Variants in ZNF157 observed in about 807,000 individuals in gnomAD.
ZNF157 encodes the protein zinc finger protein 22.
Under a neutral mutation model 9.4 loss-of-function variants are expected in ZNF157, and 8 were observed. The ratio of observed to expected loss-of-function variants is 0.85; its 90% CI spans 0.50 to 1.53. ZNF157 has a LOEUF of 1.53. Ranked by LOEUF, ZNF157 falls within the 40% of genes most tolerant of loss-of-function variation. The probability of loss-of-function intolerance (pLI) is 0.00; values close to 1 mark genes in which losing one functional copy is unlikely to be tolerated. For missense variants in ZNF157, 316 were observed against 385.2 expected, an observed-to-expected ratio of 0.82 and a Z score of 1.50; for synonymous variants, 120 against 130.8, an observed-to-expected ratio of 0.92 and a Z score of 0.56.
chrX:47,370,597 C>G lies in ZNF157; in HGVS notation c.-72C>G. 2.0e-6 allele frequency: 2 copies of G among 976,684 alleles called. No homozygotes were observed. Among genetic ancestry groups the G allele is most frequent in the Non-Finnish European group, 2.8e-6 (2 of 715,328 alleles). 80.5% of individuals were successfully genotyped at this position (976,684 alleles called of 1,213,427 possible). On this transcript the variant is annotated 5_prime_UTR_variant, in exon 1 of 4. Transcript: ENST00000377073. ...TGGAGCCATTGAGCCTTACCCCTTACTGGAGGCTGCAGGACCCTCTACACA... is the reference window on the plus strand; with the variant it reads ...TGGAGCCATTGAGCCTTACCCCTTAGTGGAGGCTGCAGGACCCTCTACACA...
intron 1 of ZNF157, chrX:47,391,406 G>A (rs987400670): frequency 1.8e-5 from 2 of 111,928 alleles, no homozygotes; most frequent in African/African-American, 3.2e-5. Flanking sequence ...ATTTTGGAAC[G>A]TTTGAGTTAT....
At chrX:47,394,087 G>A (rs1157093919) in intron 1 of ZNF157, among the ~76,000 whole-genome samples, 2 of 108,073 alleles carry the variant, frequency 1.9e-5, no homozygotes, top group African/African-American at 3.4e-5. Context: ...TCAGCCTCCC[G>A]AGTAGCTGGG....
chrX:47,412,490 C>T lies in ZNF157; in HGVS notation c.417C>T (p.Cys139=). Residue 139 remains cysteine, a synonymous_variant, in exon 4 of 4, where the codon TGC becomes TGT. Transcript: ENST00000377073. ...TLDQNVEYNG[C]RKAFHEKTGF... ...ATCAAAATGTTGAATATAATGGATGCAGGAAAGCCTTCCATGAGAAAACAG... is the reference window on the plus strand; with the variant it reads ...ATCAAAATGTTGAATATAATGGATGTAGGAAAGCCTTCCATGAGAAAACAG... 8.3e-7 allele frequency: 1 copy of T among 1,211,302 alleles called. No homozygotes were observed. Among genetic ancestry groups the T allele is most frequent in the Non-Finnish European group, 1.1e-6 (1 of 895,057 alleles).
At chrX:47,384,853 G>T in intron 1 of ZNF157, among the ~76,000 whole-genome samples, 1 of 112,370 alleles carries the variant, frequency 8.9e-6, no homozygotes, top group Non-Finnish European at 1.9e-5. Flanking sequence ...ATGGTGTAAC[G>T]CTCCAATAGG....
chrX:47,384,722 C>T (rs758894601), intron 1 of ZNF157, among the ~76,000 whole-genome samples: 1 of 112,513 alleles, frequency 8.9e-6, no homozygotes, highest in Non-Finnish European at 1.9e-5. Flanking sequence ...TAGTGGTAAC[C>T]TGGGACTTTG....
intron 1 of ZNF157, among the ~76,000 whole-genome samples, chrX:47,404,900 A>G (rs1602772639): frequency 9.0e-6 from 1 of 111,074 alleles, no homozygotes; most frequent in East Asian, 2.8e-4. Flanking sequence ...TAAAGAATAG[A>G]GGTTTAATTG....
At chrX:47,389,674 G>C (rs946925576) in intron 1 of ZNF157, among the ~76,000 whole-genome samples, 48 of 111,719 alleles carry the variant, frequency 4.3e-4, no homozygotes, top group African/African-American at 1.6e-3. Flanking sequence ...GCCGAGGTGG[G>C]TGGATCACTT....
intron 1 of ZNF157, among the ~76,000 whole-genome samples, chrX:47,402,254 TC>T (rs1192086576): frequency 9.0e-6 from 1 of 111,715 alleles, no homozygotes; most frequent in Non-Finnish European, 1.9e-5. Flanking sequence ...GAAGTTGTTT[TC>T]TTTGTGCCCT....
intron 1 of ZNF157, among the ~76,000 whole-genome samples, chrX:47,399,952 A>G (rs2055925559): frequency 9.5e-6 from 1 of 105,652 alleles, no homozygotes; most frequent in Non-Finnish European, 1.9e-5. Flanking sequence ...AAGTGTTGGT[A>G]TTACAGGCAT....
At chrX:47,398,518 TGA>T (rs1248817629) in intron 1 of ZNF157, among the ~76,000 whole-genome samples, 2 of 111,322 alleles carry the variant, frequency 1.8e-5, no homozygotes, top group African/African-American at 3.3e-5. Context: ...TCTTTTTTTT[TGA>T]GAGAGAGTCT....
chrX:47,401,976 G>A (rs1001130608), intron 1 of ZNF157, among the ~76,000 whole-genome samples: 42 of 111,108 alleles, frequency 3.8e-4, no homozygotes, highest in Non-Finnish European at 3.8e-5. Context: ...GGCTCAAGCA[G>A]TCCTCCCGCT....
chrX:47,401,529 G>A, intron 1 of ZNF157, among the ~76,000 whole-genome samples: 1 of 111,824 alleles, frequency 8.9e-6, no homozygotes, highest in Non-Finnish European at 1.9e-5. Context: ...AACCTGATTA[G>A]GTACTGTGTT....
At chrX:47,397,708 C>T (rs1473281852) in intron 1 of ZNF157, among the ~76,000 whole-genome samples, 1 of 111,845 alleles carries the variant, frequency 8.9e-6, no homozygotes, top group African/African-American at 3.2e-5. Context: ...AGCCACCGTG[C>T]CCTGCTGCAA....
At chrX:47,402,664 C>T (rs1053744044) in intron 1 of ZNF157, among the ~76,000 whole-genome samples, 1 of 107,790 alleles carries the variant, frequency 9.3e-6, no homozygotes, top group Non-Finnish European at 1.9e-5. Context: ...CTCAGCCTCC[C>T]GAGTAGCTGG....
chrX:47,393,975 T>TG (rs1484224267), intron 1 of ZNF157, among the ~76,000 whole-genome samples: 1 of 107,555 alleles, frequency 9.3e-6, no homozygotes, highest in African/African-American at 3.4e-5. Flanking sequence ...CTCTTTTTTT[T>TG]TTTTTGAGAT....
intron 1 of ZNF157, among the ~76,000 whole-genome samples, chrX:47,386,531 C>T (rs754417054): frequency 7.5e-4 from 83 of 110,951 alleles, no homozygotes; most frequent in Non-Finnish European, 1.4e-3. Context: ...GCGATCTCGG[C>T]TTGCTGCAAC....
intron 1 of ZNF157, chrX:47,391,155 A>G (rs2055896060): frequency 9.0e-6 from 1 of 111,138 alleles, no homozygotes; most frequent in Non-Finnish European, 1.9e-5. Flanking sequence ...CTCTTGTTTA[A>G]TATATATGAC....
chrX:47,396,018 T>C (rs1245372513), intron 1 of ZNF157, among the ~76,000 whole-genome samples: 1 of 111,463 alleles, frequency 9.0e-6, no homozygotes, highest in African/African-American at 3.3e-5. Context: ...TCATGTTAGA[T>C]GATAAGAGGA....
intron 1 of ZNF157, among the ~76,000 whole-genome samples, chrX:47,379,910 T>C (rs1331235061): frequency 9.0e-6 from 1 of 110,629 alleles, no homozygotes; most frequent in Non-Finnish European, 1.9e-5. Flanking sequence ...CTTTCACCAA[T>C]ACCTCTGTCT....
Sources: allele counts gnomAD v4.1 joint callset (sites outside exome capture counted in the v4.1 genomes callset), GRCh38; gene constraint gnomAD v4.1.1; transcripts MANE v1.5; gene names NCBI Gene and HGNC (gene_info 2026-07-23, HGNC 2026-07-21).